The following CEP63 variants were observed in gnomAD, a reference collection of about 807,000 sequenced individuals.
CEP63 encodes the protein centrosomal protein 63.
In CEP63, 84 loss-of-function variants were observed where a neutral mutation model predicts 89.1. The ratio of observed to expected loss-of-function variants is 0.94; its 90% CI spans 0.79 to 1.13. The LOEUF is 1.13. Ranked by LOEUF, CEP63 falls within the 50% of genes most tolerant of loss-of-function variation. The pLI, the probability that CEP63 is intolerant of heterozygous loss-of-function variation, is 0.00. For synonymous variants in CEP63, 267 were observed against 272.5 expected, an observed-to-expected ratio of 0.98 and a Z score of 0.20; for missense variants, 838 against 813.3, an observed-to-expected ratio of 1.03 and a Z score of -0.37.
chr3:134,626,485 C>A, the CEP63 span, among the ~76,000 whole-genome samples: 1 of 151,964 alleles, frequency 6.6e-6, no homozygotes, highest in African/African-American at 2.4e-5. Flanking sequence ...AGGGTGCAGG[C>A]TGTGGGGCTC....
intron 2 of CEP63, among the ~76,000 whole-genome samples, chr3:134,500,826 C>T (rs1292824773): frequency 6.6e-6 from 1 of 152,048 alleles, no homozygotes; most frequent in Non-Finnish European, 1.5e-5. Context: ...TGTGCAGAAG[C>T]TCTTTAGTTA....
the CEP63 span, chr3:134,629,532 A>G: frequency 1.8e-5 from 18 of 977,838 alleles, no homozygotes; most frequent in Non-Finnish European, 2.5e-5. Flanking sequence ...TCCTTCCCTC[A>G]GAAGATGCTT....
intron 2 of CEP63, among the ~76,000 whole-genome samples, chr3:134,496,437 G>C (rs999375542): frequency 3.3e-5 from 5 of 149,542 alleles, no homozygotes; most frequent in East Asian, 2.0e-4. Flanking sequence ...AAAAAGGGGG[G>C]GGGGGCTAAA....
the CEP63 span, among the ~76,000 whole-genome samples, chr3:134,708,757 T>C: frequency 2.0e-5 from 3 of 152,032 alleles, no homozygotes; most frequent in African/African-American, 7.2e-5. Flanking sequence ...AGTTTAAGAG[T>C]GCTGGACCTT....
At chr3:134,769,880 C>T in the CEP63 span, among the ~76,000 whole-genome samples, 3 of 152,204 alleles carry the variant, frequency 2.0e-5, no homozygotes, top group African/African-American at 7.2e-5. Context: ...GGCTATTTAT[C>T]GTCCCTCTCA....
At chr3:134,591,338 C>T (rs1478521868), downstream of CEP63, among the ~76,000 whole-genome samples, 1 of 152,120 alleles carries the variant, frequency 6.6e-6, no homozygotes, top group Non-Finnish European at 1.5e-5. Flanking sequence ...AATCACAAGC[C>T]TTAGAGTGGG....
At chr3:134,727,407 GAT>G in the CEP63 span, among the ~76,000 whole-genome samples, 1 of 152,216 alleles carries the variant, frequency 6.6e-6, no homozygotes, top group Non-Finnish European at 1.5e-5. Flanking sequence ...GGCAAACACA[GAT>G]TGATGATTCC....
At chr3:134,778,464 T>A in the CEP63 span, among the ~76,000 whole-genome samples, 1 of 152,198 alleles carries the variant, frequency 6.6e-6, no homozygotes, top group Non-Finnish European at 1.5e-5. Flanking sequence ...AGTCATTGCC[T>A]TAATGACAAT....
chr3:134,538,531 G>GTATA (rs138354332), intron 6 of CEP63, among the ~76,000 whole-genome samples: 36,764 of 99,304 alleles, frequency 0.37, 7,787 homozygotes, highest in Non-Finnish European at 0.38. Context: ...TTGTGTGTGT[G>GTATA]TGTATATATA....
chr3:134,676,684 A>G, the CEP63 span, among the ~76,000 whole-genome samples: 1 of 152,170 alleles, frequency 6.6e-6, no homozygotes, highest in Non-Finnish European at 1.5e-5. Flanking sequence ...ATGGAGAAGG[A>G]GAAACAGGAT....
the CEP63 span, among the ~76,000 whole-genome samples, chr3:134,627,047 A>C: frequency 2.0e-5 from 3 of 152,190 alleles, no homozygotes; most frequent in Non-Finnish European, 4.4e-5. Context: ...TAAAGGTGGC[A>C]TTTCTGAAAT....
At chr3:134,508,647 G>A (rs958073714) in intron 3 of CEP63, among the ~76,000 whole-genome samples, 1 of 152,182 alleles carries the variant, frequency 6.6e-6, no homozygotes, top group African/African-American at 2.4e-5. Flanking sequence ...ACTTATTCCT[G>A]TGGCTTAGTT....
chr3:134,644,533 C>T, the CEP63 span, among the ~76,000 whole-genome samples: 9 of 152,224 alleles, frequency 5.9e-5, no homozygotes, highest in South Asian at 2.1e-4. Flanking sequence ...GGTTCCCCCA[C>T]CACTACCACT....
At chr3:134,719,387 C>T in the CEP63 span, among the ~76,000 whole-genome samples, 1 of 152,110 alleles carries the variant, frequency 6.6e-6, no homozygotes, top group Non-Finnish European at 1.5e-5. Context: ...TCTGTGTGGA[C>T]ATTAAACTAT....
the CEP63 span, among the ~76,000 whole-genome samples, chr3:134,781,558 C>T: frequency 1.3e-5 from 2 of 151,612 alleles, no homozygotes; most frequent in African/African-American, 4.9e-5. Flanking sequence ...GGGTACTACG[C>T]TCACTACCTG....
chr3:134,730,242 T>A, the CEP63 span, among the ~76,000 whole-genome samples: 1 of 152,354 alleles, frequency 6.6e-6, no homozygotes, highest in East Asian at 1.9e-4. Context: ...AACCCTACCA[T>A]AGAGGCTCAG....
At chr3:134,712,908 C>G in the CEP63 span, among the ~76,000 whole-genome samples, 9 of 152,182 alleles carry the variant, frequency 5.9e-5, no homozygotes, top group Non-Finnish European at 1.2e-4. Context: ...CTGGGACTTT[C>G]AGTGAGGCCT....
At chr3:134,651,541 C>T in the CEP63 span, 2 of 993,154 alleles carry the variant, frequency 2.0e-6, no homozygotes, top group Non-Finnish European at 2.4e-6. Context: ...CGACCTCACT[C>T]CTTCCCTGGG....
downstream of CEP63, among the ~76,000 whole-genome samples, chr3:134,579,013 C>A (rs1958284913): frequency 6.6e-6 from 1 of 152,182 alleles, no homozygotes; most frequent in Non-Finnish European, 1.5e-5. Context: ...CTGCCTTGGC[C>A]TCCCAAAGTG....
Sources: gnomAD v4.1 joint callset for allele counts (sites outside exome capture counted in the v4.1 genomes callset) on GRCh38, gnomAD v4.1.1 for gene constraint, MANE v1.5 for transcripts, NCBI Gene and HGNC (gene_info 2026-07-23, HGNC 2026-07-21) for gene names.